NAALADL2: variants seen among roughly 807,000 people sequenced by gnomAD.
NAALADL2 encodes N-acetylated alpha-linked acidic dipeptidase like 2, also known as inactive N-acetylated-alpha-linked acidic dipeptidase-like protein 2.
Under a neutral mutation model 87.2 loss-of-function variants are expected in NAALADL2, and 76 were observed. That is an observed-to-expected ratio of 0.87 (90% CI 0.72 to 1.05). NAALADL2 has a LOEUF of 1.05. Among genes scored for constraint, NAALADL2 ranks in the 50% least tolerant of loss-of-function variants. NAALADL2 has a pLI of 0.00. For synonymous variants in NAALADL2, 354 were observed against 331.0 expected, an observed-to-expected ratio of 1.07 and a Z score of -0.75; for missense variants, 1,089 against 945.8, an observed-to-expected ratio of 1.15 and a Z score of -1.99.
At chr3:174,634,310 C>G (rs372004686) in intron 2 of NAALADL2, among the ~76,000 whole-genome samples, 10 of 152,208 alleles carry the variant, frequency 6.6e-5, no homozygotes, top group African/African-American at 2.2e-4. Context: ...GCTTCTACCT[C>G]CACAAATCTT....
intron 11 of NAALADL2, among the ~76,000 whole-genome samples, chr3:175,723,721 T>C (rs1305703489): frequency 2.0e-5 from 3 of 152,152 alleles, no homozygotes; most frequent in African/African-American, 7.2e-5. Context: ...AAGGGATCCC[T>C]TGCAACATAA....
chr3:174,492,652 C>A (rs2108352660), intron 1 of NAALADL2, among the ~76,000 whole-genome samples: 1 of 152,280 alleles, frequency 6.6e-6, no homozygotes, highest in South Asian at 2.1e-4. Context: ...TGGTTTTCAG[C>A]TGTGTAAACA....
At chr3:175,481,236 G>A (rs1042034013) in intron 9 of NAALADL2, among the ~76,000 whole-genome samples, 11 of 151,700 alleles carry the variant, frequency 7.3e-5, no homozygotes, top group African/African-American at 1.9e-4. Flanking sequence ...ATTAATGTAT[G>A]TGTATTATTA....
At chr3:174,987,199 T>C (rs1439643965) in intron 1 of NAALADL2, among the ~76,000 whole-genome samples, 1 of 152,168 alleles carries the variant, frequency 6.6e-6, no homozygotes. Context: ...CAAAAATATG[T>C]ACATGCTTAA....
chr3:174,776,499 C>T (rs1443855435), intron 3 of NAALADL2, among the ~76,000 whole-genome samples: 1 of 152,074 alleles, frequency 6.6e-6, no homozygotes, highest in Non-Finnish European at 1.5e-5. Context: ...TATCGAGTCC[C>T]TGGGTGGTGC....
chr3:175,009,402 G>A (rs1391821918), intron 1 of NAALADL2, among the ~76,000 whole-genome samples: 2 of 152,012 alleles, frequency 1.3e-5, no homozygotes, highest in African/African-American at 2.4e-5. Flanking sequence ...TGGTTAACAC[G>A]CCACCATAAA....
chr3:175,173,952 A>T (rs1735274648), intron 2 of NAALADL2, among the ~76,000 whole-genome samples: 1 of 99,750 alleles, frequency 1.0e-5, no homozygotes, highest in African/African-American at 3.4e-5. Context: ...TTTAAGGATG[A>T]TTCTTCAGTT....
At chr3:175,358,410 A>G (rs1321321157) in intron 5 of NAALADL2, among the ~76,000 whole-genome samples, 2 of 152,076 alleles carry the variant, frequency 1.3e-5, no homozygotes, top group Non-Finnish European at 2.9e-5. Context: ...TTAAGAAGCC[A>G]TTCTATTTTT....
chr3:174,728,004 A>T (rs1242728824), intron 2 of NAALADL2, among the ~76,000 whole-genome samples: 2 of 152,078 alleles, frequency 1.3e-5, no homozygotes, highest in Non-Finnish European at 2.9e-5. Flanking sequence ...TCTTTCACTT[A>T]CTAATATGTA....
intron 2 of NAALADL2, among the ~76,000 whole-genome samples, chr3:174,568,409 T>C (rs1483280891): frequency 6.6e-6 from 1 of 151,834 alleles, no homozygotes; most frequent in Non-Finnish European, 1.5e-5. Context: ...CCACACCGTA[T>C]TGCTTGCCCA....
intron 1 of NAALADL2, among the ~76,000 whole-genome samples, chr3:174,537,252 C>T (rs1026115770): frequency 6.6e-6 from 1 of 152,038 alleles, no homozygotes; most frequent in Non-Finnish European, 1.5e-5. Context: ...AAATTGCTAG[C>T]AATTGTTTTT....
At chr3:174,836,232 C>T (rs1406413256) in intron 3 of NAALADL2, among the ~76,000 whole-genome samples, 5 of 151,932 alleles carry the variant, frequency 3.3e-5, no homozygotes, top group African/African-American at 4.8e-5. Flanking sequence ...ATAAGCTAGT[C>T]GCAAAAAATA....
intron 3 of NAALADL2, among the ~76,000 whole-genome samples, chr3:174,758,074 C>G (rs1165771268): frequency 2.0e-5 from 3 of 152,154 alleles, no homozygotes; most frequent in East Asian, 3.9e-4. Context: ...CTGCAGGAAG[C>G]AGAGAACTGC....
chr3:174,981,483 A>G (rs888551970), intron 1 of NAALADL2, among the ~76,000 whole-genome samples: 1 of 152,136 alleles, frequency 6.6e-6, no homozygotes, highest in Non-Finnish European at 1.5e-5. Context: ...GAAAATTTCT[A>G]TTTCTTCAAA....
intron 5 of NAALADL2, among the ~76,000 whole-genome samples, chr3:175,334,163 T>A (rs1430102591): frequency 6.6e-6 from 1 of 152,162 alleles, no homozygotes; most frequent in Non-Finnish European, 1.5e-5. Context: ...ATATTTAGAA[T>A]CAATATCTGG....
intron 2 of NAALADL2, among the ~76,000 whole-genome samples, chr3:174,629,274 C>T (rs546973552): frequency 5.3e-5 from 8 of 152,190 alleles, no homozygotes; most frequent in African/African-American, 1.2e-4. Flanking sequence ...TTGATTAATT[C>T]GAGGGGTATG....
intron 1 of NAALADL2, among the ~76,000 whole-genome samples, chr3:174,529,839 C>T (rs2108437542): frequency 6.6e-6 from 1 of 152,260 alleles, no homozygotes; most frequent in South Asian, 2.1e-4. Context: ...AAACTGCACA[C>T]AGCACAGAGA....
intron 8 of NAALADL2, among the ~76,000 whole-genome samples, chr3:175,470,210 A>G (rs961683235): frequency 5.9e-5 from 9 of 152,064 alleles, no homozygotes; most frequent in African/African-American, 2.2e-4. Context: ...TTCATCTGTA[A>G]CAGAGTGTAG....
chr3:175,468,502 A>G (rs908812244), intron 8 of NAALADL2, among the ~76,000 whole-genome samples: 3 of 152,076 alleles, frequency 2.0e-5, no homozygotes, highest in Admixed American at 2.0e-4. Context: ...AATACATCAG[A>G]AACAATGAAA....
Sources: allele counts gnomAD v4.1 joint callset (sites outside exome capture counted in the v4.1 genomes callset), GRCh38; gene constraint gnomAD v4.1.1; transcripts MANE v1.5; gene names NCBI Gene and HGNC (gene_info 2026-07-23, HGNC 2026-07-21).